The following C18orf54 variants were observed in gnomAD, a reference collection of about 807,000 sequenced individuals.
C18orf54 encodes lung adenoma susceptibility protein 2.
In C18orf54, 49 loss-of-function variants were observed where a neutral mutation model predicts 49.3. That is an observed-to-expected ratio of 0.99 (90% CI 0.79 to 1.26). C18orf54 has a LOEUF of 1.26. Ranked by LOEUF, C18orf54 falls within the 50% of genes most tolerant of loss-of-function variation. The probability of loss-of-function intolerance (pLI) is 0.00; values close to 1 mark genes in which losing one functional copy is unlikely to be tolerated. For synonymous variants in C18orf54, 211 were observed against 216.6 expected (o/e 0.97, Z 0.23); for missense variants, 687 against 620.6 (o/e 1.11, Z -1.14).
chr18:54,372,199 T>C (rs2089497938), intron 6 of C18orf54, among the ~76,000 whole-genome samples: 1 of 152,048 alleles, frequency 6.6e-6, no homozygotes, highest in Admixed American at 6.6e-5. Context: ...TTGTCATAAA[T>C]ATAAACGTGC....
At position 54,362,869 on chromosome 18, in the gene C18orf54, T is replaced by C. The variant is rs895833568; in HGVS notation, c.1171T>C (p.Ser391Pro). 6.2e-7 allele frequency: 1 copy of C among 1,612,344 alleles called. No homozygotes were observed. Among genetic ancestry groups the C allele is most frequent in the African/African-American group, 1.3e-5 (1 of 74,994 alleles). Residue 391 changes from serine to proline, a missense_variant, in exon 5 of 9, where the codon TCA (serine) becomes CCA (proline). By Grantham distance (74) the Ser-to-Pro change is moderately conservative. Transcript: ENST00000620105. ...CATGAAAAAGGATGACAGTCCTTGC[T>C]CATTAGATAAACTTGAAGCAGACAG... ...KSMKKDDSPC[S>P]LDKLEADRSW... is the part of the protein sequence containing the mutation.
In C18orf54 at chr18:54,362,416, A is replaced by C. The variant is rs192288826; in HGVS notation, c.1057A>C (p.Thr353Pro). The change falls in exon 4 of 9, where the codon ACA becomes CCA. Residue 353 changes from threonine (T) to proline (P), a missense_variant. Coordinates refer to ENST00000620105, the MANE Select transcript of C18orf54 (RefSeq NM_001288980.2). ...GAATCCACTTCTCCCAGGACAATCC[A>C]CAAAGCCATTCAGTGGTAATACTTT... Reference protein sequence around the residue: ...CENPLLPGQSTKPFSGDKIEL... With the variant: ...CENPLLPGQSPKPFSGDKIEL... 736 of 1,517,372 alleles carry C rather than the reference A, an allele frequency of 4.9e-4. 6 individuals carry two copies. In the African/African-American group the frequency reaches 9.1e-3, roughly 19 times the overall value. 94.0% of individuals were successfully genotyped at this position (1,517,372 alleles called of 1,614,324 possible). A position where few individuals can be genotyped will look rare whatever the true frequency, so the allele number is the denominator to read the frequency against.
intron 7 of C18orf54, among the ~76,000 whole-genome samples, chr18:54,373,712 C>T (rs1031209599): frequency 6.6e-6 from 1 of 151,738 alleles, no homozygotes; most frequent in Non-Finnish European, 1.5e-5. Flanking sequence ...GTGCTTGGTA[C>T]ATGGTAAGTG....
chr18:54,381,274 C>A lies in C18orf54; in HGVS notation c.*3028C>A, dbSNP rs1371195713. The A allele has an allele frequency of 6.6e-6, 1 of 151,762 alleles. No individual in the cohort carries two copies. Among genetic ancestry groups the A allele is most frequent in the Non-Finnish European group, 1.5e-5 (1 of 67,918 alleles). The allele number at this position is 151,762 out of a possible 1,614,324, so 9.4% of individuals were successfully genotyped here. ...GGACCAAAAAAAAGAAAAAAAAAATCTTAGCTTTTCATCCTCCCAGTGTAT... is the reference window on the plus strand; with the variant it reads ...GGACCAAAAAAAAGAAAAAAAAAATATTAGCTTTTCATCCTCCCAGTGTAT... On this transcript the variant is annotated 3_prime_UTR_variant, in exon 9 of 9. Coordinates refer to ENST00000620105, the MANE Select transcript of C18orf54 (RefSeq NM_001288980.2).
chr18:54,366,030 A>G (rs1025410528), intron 6 of C18orf54, among the ~76,000 whole-genome samples: 4 of 151,716 alleles, frequency 2.6e-5, no homozygotes, highest in East Asian at 1.9e-4. Context: ...ATACATATCT[A>G]TGGGATACAT....
rs960948562 is a variant in C18orf54, at chr18:54,379,992, C to A, written c.*1746C>A. The A allele has an allele frequency of 1.3e-5, 2 of 151,996 alleles. No individual in the cohort carries two copies. The highest frequency in any genetic ancestry group is 2.9e-5 in the Non-Finnish European group (2 of 67,914). The allele number at this position is 151,996 out of a possible 1,614,324, so 9.4% of individuals were successfully genotyped here. ...ATCTTATAGCCAGTATTTTAAGAAA[C>A]TTGATTATACTTACCAAAGGAACAT... On this transcript the variant is annotated 3_prime_UTR_variant, in exon 9 of 9. Transcript: ENST00000620105.
intron 5 of C18orf54, among the ~76,000 whole-genome samples, chr18:54,364,820 A>C (rs1237987119): frequency 6.6e-6 from 1 of 152,036 alleles, no homozygotes; most frequent in Non-Finnish European, 1.5e-5. Flanking sequence ...TTAGAAATCA[A>C]ATATGTCAAT....
Position 54,362,243 on chromosome 18 carries a change from A to G in C18orf54, c.884A>G (p.Gln295Arg). The change falls in exon 4 of 9, where the codon CAG (glutamine) becomes CGG (arginine). Residue 295 changes from glutamine to arginine, a missense_variant. Gln to Arg is a conservative substitution (Grantham distance 43). Transcript: ENST00000620105. ...CAGTGTTCCCCTAGACATAGTCATCAGGCACAAGGAACTTCTCGGCTTATC... is the reference window on the plus strand; with the variant it reads ...CAGTGTTCCCCTAGACATAGTCATCGGGCACAAGGAACTTCTCGGCTTATC... The part of the protein sequence containing the change: ...DDQCSPRHSH[Q>R]AQGTSRLINK... 1 of 1,536,492 alleles carries G rather than the reference A, an allele frequency of 6.5e-7. No individual in the cohort carries two copies. Among genetic ancestry groups the G allele is most frequent in the Admixed American group, 2.0e-5 (1 of 51,004 alleles).
chr18:54,378,148 A>G, intron 8 of C18orf54, 26 bp from the exon 9 acceptor site: 1 of 1,585,000 alleles, frequency 6.3e-7, no homozygotes, highest in South Asian at 1.1e-5. Flanking sequence ...ACTGGTTTAT[A>G]ATGTGTTTTA....
Position 54,380,485 on chromosome 18 carries a change from A to G in C18orf54, c.*2239A>G, listed in dbSNP as rs1053050539. 5.3e-5 allele frequency: 8 copies of G among 152,054 alleles called. No homozygotes were observed. Among genetic ancestry groups the G allele is most frequent in the African/African-American group, 1.7e-4 (7 of 41,450 alleles). The allele number at this position is 152,054 out of a possible 1,614,324, so 9.4% of individuals were successfully genotyped here. ...AAAAACTATTTGAGATCAAGGGACA[A>G]TGGTGTGACCAATATGAAGGGTCAA... On this transcript the variant is annotated 3_prime_UTR_variant, in exon 9 of 9. Coordinates refer to ENST00000620105, the MANE Select transcript of C18orf54 (RefSeq NM_001288980.2).
rs1296726291 is a variant in C18orf54, at chr18:54,378,884, C to G, written c.*638C>G. Reference sequence around the variant, plus strand: ...TCCTCATTTAATTAGTACTTTGATTCTGTGTAAGATAATCTTGGTAGTGCT... The same window carrying G: ...TCCTCATTTAATTAGTACTTTGATTGTGTGTAAGATAATCTTGGTAGTGCT... On this transcript the variant is annotated 3_prime_UTR_variant, in exon 9 of 9. Transcript: ENST00000620105. The G allele has an allele frequency of 6.6e-6, 1 of 152,014 alleles. No individual in the cohort carries two copies. The highest frequency in any genetic ancestry group is 6.6e-5 in the Admixed American group (1 of 15,258). The allele number at this position is 152,014 out of a possible 1,614,324, so 9.4% of individuals were successfully genotyped here. A position where few individuals can be genotyped will look rare whatever the true frequency, so the allele number is the denominator to read the frequency against.
Position 54,380,049 on chromosome 18 carries a change from G to A in C18orf54, c.*1803G>A, listed in dbSNP as rs560032191. The stretch of plus-strand genomic sequence containing the variant: ...TTTTCTCTTGTTTTAAATATGGAGA[G>A]GTTTAATCCTTTACATAACAAAGGA... On this transcript the variant is annotated 3_prime_UTR_variant, in exon 9 of 9. Transcript: ENST00000620105. 6.6e-6 allele frequency: 1 copy of A among 152,064 alleles called. No individual in the cohort carries two copies. Among genetic ancestry groups the A allele is most frequent in the Non-Finnish European group, 1.5e-5 (1 of 67,910 alleles). 9.4% of individuals were successfully genotyped at this position (152,064 alleles called of 1,614,324 possible).
intron 6 of C18orf54, among the ~76,000 whole-genome samples, chr18:54,372,189 T>G (rs1160117407): frequency 6.6e-6 from 1 of 152,018 alleles, no homozygotes; most frequent in African/African-American, 2.4e-5. Flanking sequence ...CGAAATTAAT[T>G]TGTCATAAAT....
At chr18:54,371,836 T>C (rs2089490629) in intron 6 of C18orf54, among the ~76,000 whole-genome samples, 3 of 152,106 alleles carry the variant, frequency 2.0e-5, no homozygotes, top group African/African-American at 7.2e-5. Context: ...ATTTGAAAGA[T>C]GTAAAATAAT....
chr18:54,371,963 CCA>C (rs2089493138), intron 6 of C18orf54, among the ~76,000 whole-genome samples: 3 of 151,466 alleles, frequency 2.0e-5, no homozygotes, highest in Admixed American at 6.6e-5. Context: ...ACAAATAAGT[CCA>C]GGGGTAATCG....
intron 6 of C18orf54, among the ~76,000 whole-genome samples, chr18:54,372,086 A>G (rs1463915830): frequency 6.6e-6 from 1 of 152,054 alleles, no homozygotes; most frequent in East Asian, 1.9e-4. Context: ...CTGTATTTGA[A>G]ATTTTAGTCC....
At chr18:54,359,642 A>T (rs544307253) in intron 2 of C18orf54, among the ~76,000 whole-genome samples, 15 of 152,336 alleles carry the variant, frequency 9.8e-5, no homozygotes, top group African/African-American at 3.4e-4. Context: ...CTCAACATTA[A>T]TACTTTTTTA....
At position 54,377,246 on chromosome 18, in the gene C18orf54, G is replaced by A. The variant is rs150126265; in HGVS notation, c.1530-928G>A. Among the ~76,000 whole-genome samples, 1,150 of 151,770 alleles carry A rather than the reference G, an allele frequency of 7.6e-3. 17 individuals carry two copies. The highest frequency in any genetic ancestry group is 0.026 in the African/African-American group (1,086 of 41,376). ...AAGATGGGGTTTCACCATGTTGGCC[G>A]GGCTGGTCTCGAACTCCTGACCTCA... On this transcript the variant is annotated intron_variant, in intron 8 of 8. Coordinates refer to ENST00000620105, the MANE Select transcript of C18orf54 (RefSeq NM_001288980.2).
intron 8 of C18orf54, among the ~76,000 whole-genome samples, chr18:54,376,397 C>A (rs1214995077): frequency 6.6e-6 from 1 of 152,202 alleles, no homozygotes; most frequent in African/African-American, 2.4e-5. Context: ...TGGGGTTTCG[C>A]CATGTTGGCC....
Sources: gnomAD v4.1 joint callset for allele counts (sites outside exome capture counted in the v4.1 genomes callset) on GRCh38, gnomAD v4.1.1 for gene constraint, MANE v1.5 for transcripts, NCBI Gene and HGNC (gene_info 2026-07-23, HGNC 2026-07-21) for gene names.